The following ANKS1A variants were observed in gnomAD, a reference collection of about 807,000 sequenced individuals.
The protein encoded by ANKS1A is ankyrin repeat and sterile alpha motif domain containing 1A.
In ANKS1A, 55 loss-of-function variants were observed where a neutral mutation model predicts 120.3. The ratio of observed to expected loss-of-function variants is 0.46; its 90% confidence interval spans 0.37 to 0.57. ANKS1A has a LOEUF of 0.57. ANKS1A is among the 20% of genes least tolerant of loss of function. The probability of loss-of-function intolerance (pLI) is 0.00; values close to 1 mark genes in which losing one functional copy is unlikely to be tolerated. For missense variants in ANKS1A, 1,123 were observed against 1,480.3 expected, an observed-to-expected ratio of 0.76 and a Z score of 3.96; for synonymous variants, 590 against 604.7, an observed-to-expected ratio of 0.98 and a Z score of 0.36.
At chr6:34,908,632 C>T (rs1002697620) in intron 1 of ANKS1A, among the ~76,000 whole-genome samples, 6 of 152,144 alleles carry the variant, frequency 3.9e-5, no homozygotes, top group African/African-American at 1.4e-4. Context: ...CTCGGTAACT[C>T]TCTGAAATAA....
chr6:34,992,064 G>A (rs1039284552), intron 9 of ANKS1A, among the ~76,000 whole-genome samples: 1 of 152,060 alleles, frequency 6.6e-6, no homozygotes, highest in East Asian at 1.9e-4. Context: ...TCTACTTGTC[G>A]TCTGGGTATG....
At chr6:34,946,885 G>C (rs1462809470) in intron 1 of ANKS1A, among the ~76,000 whole-genome samples, 1 of 152,152 alleles carries the variant, frequency 6.6e-6, no homozygotes, top group Admixed American at 6.6e-5. Context: ...GTTAAATCTA[G>C]CAGACCGTCA....
chr6:35,086,796 C>A lies in ANKS1A; in HGVS notation c.3304-156C>A, dbSNP rs998157813. Reference sequence around the variant, plus strand: ...ATGCTCCAGGAGGGTGTCCCTCCTCCGCCTGCCCCCAGGGGCCTGCTCTTT... The same window carrying A: ...ATGCTCCAGGAGGGTGTCCCTCCTCAGCCTGCCCCCAGGGGCCTGCTCTTT... On this transcript the variant is annotated intron_variant, in intron 22 of 23. Coordinates refer to ENST00000360359, the MANE Select transcript of ANKS1A (RefSeq NM_015245.3). This position sits in a 1 kb window ranked among gnomAD's most constrained non-coding sequence, Gnocchi z 5.1. 6.6e-6 allele frequency among the ~76,000 whole-genome samples: 1 copy of A among 152,174 alleles called. No individual in the cohort carries two copies. Among genetic ancestry groups the A allele is most frequent in the Non-Finnish European group, 1.5e-5 (1 of 68,012 alleles).
At chr6:34,946,603 G>T (rs1468880322) in intron 1 of ANKS1A, among the ~76,000 whole-genome samples, 1 of 146,008 alleles carries the variant, frequency 6.8e-6, no homozygotes, top group Non-Finnish European at 1.5e-5. Context: ...AAAAAAAAGG[G>T]GGGGTTAATC....
rs971688888 is a variant in ANKS1A, at chr6:35,089,319, T to C, written c.*710T>C. The C allele has an allele frequency of 1.0e-6, 1 of 987,414 alleles. No individual in the cohort carries two copies. Among genetic ancestry groups the C allele is most frequent in the Non-Finnish European group, 1.2e-6 (1 of 831,212 alleles). 61.2% of individuals were successfully genotyped at this position (987,414 alleles called of 1,614,324 possible). On this transcript the variant is annotated 3_prime_UTR_variant, in exon 24 of 24. Transcript: ENST00000360359. ...GGTTCAGTGGCCAAATGAAGATAAGTGTGCAGTTTCTAGTGCTGGGAAGTC... is the reference window on the plus strand; with the variant it reads ...GGTTCAGTGGCCAAATGAAGATAAGCGTGCAGTTTCTAGTGCTGGGAAGTC...
In ANKS1A at chr6:35,089,773, T is replaced by C. The variant is rs1050423657; in HGVS notation, c.*1164T>C. 1.8e-4 allele frequency: 184 copies of C among 1,010,086 alleles called. No homozygotes were observed. Among genetic ancestry groups the C allele is most frequent in the Non-Finnish European group, 2.0e-4 (172 of 845,514 alleles). The allele number at this position is 1,010,086 out of a possible 1,614,324, so 62.6% of individuals were successfully genotyped here. ...GTAACTTGGGTTGCATTCTTCCCTCTGGACTAGAGTAGAAATGCAGGGGAA... is the reference window on the plus strand; with the variant it reads ...GTAACTTGGGTTGCATTCTTCCCTCCGGACTAGAGTAGAAATGCAGGGGAA... On this transcript the variant is annotated 3_prime_UTR_variant, in exon 24 of 24. Coordinates refer to ENST00000360359, the MANE Select transcript of ANKS1A (RefSeq NM_015245.3).
intron 1 of ANKS1A, among the ~76,000 whole-genome samples, chr6:34,907,318 A>G (rs1469434844): frequency 6.6e-6 from 1 of 152,176 alleles, no homozygotes; most frequent in Non-Finnish European, 1.5e-5. Flanking sequence ...TTAAGTTTTG[A>G]TCAATGATTT....
chr6:34,919,696 T>G (rs528382732), intron 1 of ANKS1A, among the ~76,000 whole-genome samples: 1 of 152,346 alleles, frequency 6.6e-6, no homozygotes, highest in South Asian at 2.1e-4. Context: ...ACCTCTTTGG[T>G]TCATCTTTAA....
chr6:35,093,169 G>A (rs966417277), downstream of ANKS1A, among the ~76,000 whole-genome samples: 1 of 152,044 alleles, frequency 6.6e-6, no homozygotes, highest in Non-Finnish European at 1.5e-5. Flanking sequence ...CTTTGAGACC[G>A]CTTTTTTCAG....
chr6:34,999,015 G>C (rs1040709023), intron 10 of ANKS1A, among the ~76,000 whole-genome samples: 3 of 152,228 alleles, frequency 2.0e-5, no homozygotes, highest in African/African-American at 7.2e-5. Context: ...TGCCAGAGCA[G>C]TGTGTGGCAG....
intron 8 of ANKS1A, 64 bp from the exon 9 acceptor site, chr6:34,989,160 C>CA: frequency 1.9e-6 from 3 of 1,543,520 alleles, no homozygotes; most frequent in Non-Finnish European, 2.7e-6. Flanking sequence ...AAGATGAGGG[C>CA]AAACCAAAAA....
At chr6:35,035,056 G>A (rs1234698298) in intron 11 of ANKS1A, among the ~76,000 whole-genome samples, 1 of 152,270 alleles carries the variant, frequency 6.6e-6, no homozygotes, top group Non-Finnish European at 1.5e-5. Flanking sequence ...GTAACAGGAA[G>A]AAAGGCGTTG....
intron 1 of ANKS1A, among the ~76,000 whole-genome samples, chr6:34,963,813 AG>A (rs1770766756): frequency 1.3e-5 from 2 of 152,144 alleles, no homozygotes; most frequent in African/African-American, 4.8e-5. Context: ...CCATTCTAAT[AG>A]GTGTGAGGTG....
intron 1 of ANKS1A, among the ~76,000 whole-genome samples, chr6:34,929,120 A>G (rs1462493966): frequency 2.0e-5 from 3 of 152,338 alleles, no homozygotes; most frequent in East Asian, 3.9e-4. Flanking sequence ...TGAAGATGCT[A>G]ATGCATACCT....
intron 13 of ANKS1A, among the ~76,000 whole-genome samples, chr6:35,072,276 C>T (rs1208953910): frequency 2.0e-5 from 3 of 152,206 alleles, no homozygotes; most frequent in East Asian, 1.9e-4. Flanking sequence ...CGACCCGGGC[C>T]GACCCTTGTC....
At chr6:34,919,519 A>G (rs1407831125) in intron 1 of ANKS1A, among the ~76,000 whole-genome samples, 4 of 152,180 alleles carry the variant, frequency 2.6e-5, no homozygotes, top group East Asian at 1.9e-4. Context: ...ACCTCTACAC[A>G]TGCCTCTTTG....
chr6:35,018,813 G>A (rs142736769), intron 11 of ANKS1A, among the ~76,000 whole-genome samples: 65 of 152,222 alleles, frequency 4.3e-4, no homozygotes, highest in African/African-American at 1.3e-3. Context: ...AATTCACTCA[G>A]GATAATGGCC....
intron 1 of ANKS1A, among the ~76,000 whole-genome samples, chr6:34,918,396 T>C (rs900915591): frequency 2.6e-5 from 4 of 152,174 alleles, no homozygotes; most frequent in Non-Finnish European, 4.4e-5. Context: ...ACAGTCACCA[T>C]GAGGGTCAAA....
At chr6:34,988,122 G>A (rs1772305142) in intron 8 of ANKS1A, among the ~76,000 whole-genome samples, 1 of 152,166 alleles carries the variant, frequency 6.6e-6, no homozygotes, top group South Asian at 2.1e-4. Context: ...TCTAGAGCAG[G>A]GGTTGGCAAA....
Sources: allele counts gnomAD v4.1 joint callset (sites outside exome capture counted in the v4.1 genomes callset), GRCh38; gene constraint gnomAD v4.1.1; non-coding constraint Gnocchi (gnomAD v3.1); transcripts MANE v1.5; gene names NCBI Gene and HGNC (gene_info 2026-07-23, HGNC 2026-07-21).